Variants in IMPG2 observed in about 807,000 individuals in gnomAD.
IMPG2 encodes IPM 200.
A neutral mutation model predicts 129.2 loss-of-function variants in IMPG2; 91 were observed. The ratio of observed to expected loss-of-function variants is 0.70; its 90% CI spans 0.59 to 0.84. The LOEUF (loss-of-function observed/expected upper bound fraction) is 0.84. Among genes scored for constraint, IMPG2 ranks in the 40% least tolerant of loss-of-function variants. The pLI is 0.00. For missense variants in IMPG2, 1,430 were observed against 1,461.7 expected (o/e 0.98, Z 0.35); for synonymous variants, 510 against 517.7 (o/e 0.99, Z 0.20).
At chr3:101,256,201 G>GAAAGAAAGAA (rs879501688) in intron 10 of IMPG2, among the ~76,000 whole-genome samples, 1 of 148,182 alleles carries the variant, frequency 6.7e-6, no homozygotes, top group African/African-American at 2.5e-5. Flanking sequence ...AAGAAAGAAA[G>GAAAGAAAGAA]AAAGAAAGAA....
At chr3:101,252,752 C>T (rs1391174813) in intron 11 of IMPG2, among the ~76,000 whole-genome samples, 1 of 152,084 alleles carries the variant, frequency 6.6e-6, no homozygotes, top group Non-Finnish European at 1.5e-5. Flanking sequence ...GCTCTATAAC[C>T]TAGTAGAAGA....
intron 4 of IMPG2, among the ~76,000 whole-genome samples, chr3:101,290,396 A>C (rs1706995059): frequency 6.6e-6 from 1 of 152,034 alleles, no homozygotes; most frequent in Non-Finnish European, 1.5e-5. Flanking sequence ...TGTAGTCCCA[A>C]CTACTTGGGA....
chr3:101,293,585 C>G (rs1264618441), intron 3 of IMPG2, among the ~76,000 whole-genome samples: 1 of 152,188 alleles, frequency 6.6e-6, no homozygotes, highest in Non-Finnish European at 1.5e-5. Flanking sequence ...ATTTAAGTCA[C>G]TAGCTGCATT....
At chr3:101,299,852 A>T (rs953353507) in intron 3 of IMPG2, among the ~76,000 whole-genome samples, 8 of 152,212 alleles carry the variant, frequency 5.3e-5, no homozygotes, top group Admixed American at 5.2e-4. Context: ...GGTGTCTGAC[A>T]ACCCCTGTTG....
At chr3:101,235,976 G>A (rs1381083650) in intron 14 of IMPG2, among the ~76,000 whole-genome samples, 2 of 152,204 alleles carry the variant, frequency 1.3e-5, no homozygotes, top group Non-Finnish European at 2.9e-5. Flanking sequence ...AGGAATTTAA[G>A]GATGGTTATG....
chr3:101,301,196 T>G (rs559042), intron 3 of IMPG2, among the ~76,000 whole-genome samples: 110,228 of 152,104 alleles, frequency 0.72, 40,903 homozygotes, highest in East Asian at 0.84. Flanking sequence ...TTACAATAGT[T>G]ATTGTAATTG....
chr3:101,231,185 C>G (rs1232083844), intron 15 of IMPG2, 40 bp from the exon 16 acceptor site: 1 of 1,585,428 alleles, frequency 6.3e-7, no homozygotes, highest in South Asian at 1.1e-5. Flanking sequence ...CTGAATCACT[C>G]TGCTCACACT....
At chr3:101,302,432 C>A (rs1576769608) in intron 3 of IMPG2, among the ~76,000 whole-genome samples, 1 of 152,032 alleles carries the variant, frequency 6.6e-6, no homozygotes, top group South Asian at 2.1e-4. Context: ...AATAGCTATC[C>A]CATGTTAGCC....
At chr3:101,256,337 AATGCACACACAC>A (rs1706609893) in intron 10 of IMPG2, among the ~76,000 whole-genome samples, 2 of 151,036 alleles carry the variant, frequency 1.3e-5, no homozygotes. Context: ...CATACACACA[AATGCACACACAC>A]ATGCACATAT....
At chr3:101,316,842 C>G (rs2058788164) in intron 2 of IMPG2, among the ~76,000 whole-genome samples, 2 of 151,980 alleles carry the variant, frequency 1.3e-5, no homozygotes, top group South Asian at 4.1e-4. Context: ...CCCAAATATC[C>G]CATATTGTGG....
intron 5 of IMPG2, 144 bp from the exon 6 acceptor site, chr3:101,275,889 C>T: frequency 4.3e-6 from 3 of 689,740 alleles, no homozygotes; most frequent in Non-Finnish European, 7.8e-6. Flanking sequence ...ATTCTAACCT[C>T]AGGACATATT....
intron 14 of IMPG2, among the ~76,000 whole-genome samples, chr3:101,238,222 GA>G (rs1217562010): frequency 6.6e-6 from 1 of 152,108 alleles, no homozygotes; most frequent in East Asian, 1.9e-4. Flanking sequence ...GGGACTATGT[GA>G]AAGACCAAAC....
At chr3:101,311,870 G>T (rs1170635862) in intron 2 of IMPG2, among the ~76,000 whole-genome samples, 1 of 152,104 alleles carries the variant, frequency 6.6e-6, no homozygotes, top group Non-Finnish European at 1.5e-5. Flanking sequence ...GAATACAATT[G>T]AGAGTCCAGA....
intron 3 of IMPG2, among the ~76,000 whole-genome samples, chr3:101,303,066 C>G (rs1429938063): frequency 1.3e-5 from 2 of 152,172 alleles, no homozygotes; most frequent in South Asian, 2.1e-4. Context: ...TTTGATTATA[C>G]ACAAAATAGC....
chr3:101,273,743 C>T lies in IMPG2; in HGVS notation c.667-1G>A, dbSNP rs1334444660. On this transcript the variant is annotated splice_acceptor_variant, in intron 6 of 18. Transcript: ENST00000193391. LOFTEE classifies it high-confidence loss of function. Reference sequence around the variant, plus strand: ...TCACATTCTCAATTTCATTGCTAATCTGAATTTTTAGAGAAAGAACAATAA... The same window carrying T: ...TCACATTCTCAATTTCATTGCTAATTTGAATTTTTAGAGAAAGAACAATAA... 5 of 1,613,508 alleles carry T rather than the reference C, an allele frequency of 3.1e-6. No homozygotes were observed. The Admixed American group carries it at 8.3e-5, about 27-fold the overall frequency.
At chr3:101,267,843 A>G (rs1706738037) in intron 8 of IMPG2, among the ~76,000 whole-genome samples, 1 of 110,078 alleles carries the variant, frequency 9.1e-6, no homozygotes, top group Non-Finnish European at 2.0e-5. Context: ...TGGCTTTAAC[A>G]AAATTGGGAA....
chr3:101,227,904 A>G, intron 18 of IMPG2: 1 of 455,920 alleles, frequency 2.2e-6, no homozygotes, highest in Non-Finnish European at 4.4e-6. Flanking sequence ...CAGGTGTTCC[A>G]CTCAGGGCCA....
In IMPG2 at chr3:101,320,363, A is replaced by T. The variant is rs373314092; in HGVS notation, c.10T>A (p.Phe4Ile). 10 of 1,606,512 alleles carry T rather than the reference A, an allele frequency of 6.2e-6. No individual in the cohort carries two copies. The African/African-American group carries it at 1.2e-4, about 19-fold the overall frequency. Residue 4 changes from phenylalanine (F) to isoleucine (I), a missense_variant, in exon 1 of 19, where the codon TTT (phenylalanine) becomes ATT (isoleucine). Phe to Ile is a conservative substitution (Grantham distance 21). Transcript: ENST00000193391. The part of the protein sequence containing the change: MIM[F>I]PLFGKISLGI... ...AGAGAAATCTTCCCAAAAAGAGGAA[A>T]CATAATCATTTGGGCCAAAACCAAA... is the stretch of plus-strand genomic sequence containing the variant.
At chr3:101,248,257 T>A (rs1706504361) in intron 11 of IMPG2, among the ~76,000 whole-genome samples, 1 of 152,158 alleles carries the variant, frequency 6.6e-6, no homozygotes, top group African/African-American at 2.4e-5. Context: ...TGAATAAGTC[T>A]CATGAGATAT....
Sources: allele counts gnomAD v4.1 joint callset (sites outside exome capture counted in the v4.1 genomes callset), GRCh38; gene constraint gnomAD v4.1.1; transcripts MANE v1.5; gene names NCBI Gene and HGNC (gene_info 2026-07-23, HGNC 2026-07-21).